Variants in ADCYAP1R1 observed in about 807,000 individuals in gnomAD.
ADCYAP1R1 encodes pituitary adenylate cyclase-activating polypeptide type I receptor.
ADCYAP1R1 carries 44 observed loss-of-function variants against 67.6 expected under a neutral mutation model. That is an observed-to-expected ratio of 0.65 (90% CI 0.51 to 0.84). The LOEUF (loss-of-function observed/expected upper bound fraction) is 0.84, where lower values mean the gene tolerates loss of function less well. ADCYAP1R1 is among the 40% of genes least tolerant of loss of function. The pLI is 0.00. For synonymous variants in ADCYAP1R1, 222 were observed against 219.6 expected, an observed-to-expected ratio of 1.01 and a Z score of -0.10; for missense variants, 477 against 587.9, an observed-to-expected ratio of 0.81 and a Z score of 1.95.
chr7:31,100,068 A>T (rs2128638958), intron 13 of ADCYAP1R1: 2 of 1,490,484 alleles, frequency 1.3e-6, no homozygotes, highest in Non-Finnish European at 1.8e-6. Context: ...CTGTAAACTG[A>T]GTTTCTTCAC....
intron 5 of ADCYAP1R1, 122 bp from the exon 6 acceptor site, chr7:31,081,591 C>A: frequency 2.9e-6 from 2 of 700,294 alleles, no homozygotes; most frequent in Non-Finnish European, 4.8e-6. Flanking sequence ...TGCCTCTTGG[C>A]CAGGACTCCA....
chr7:31,071,274 C>T (rs367850501), intron 3 of ADCYAP1R1, among the ~76,000 whole-genome samples: 1 of 152,188 alleles, frequency 6.6e-6, no homozygotes, highest in Non-Finnish European at 1.5e-5. Flanking sequence ...GAGTGGATCC[C>T]TTTCCTCCTG....
At chr7:31,084,505 G>T (rs1562644454) in intron 7 of ADCYAP1R1, among the ~76,000 whole-genome samples, 1 of 152,228 alleles carries the variant, frequency 6.6e-6, no homozygotes, top group Admixed American at 6.5e-5. Flanking sequence ...CAGCGCTCTT[G>T]CCTTCAACAG....
chr7:31,097,601 G>C (rs1194499515), intron 13 of ADCYAP1R1, among the ~76,000 whole-genome samples: 3 of 152,052 alleles, frequency 2.0e-5, no homozygotes, highest in African/African-American at 7.2e-5. Context: ...CCAGGTGCAG[G>C]GTTTCCCAGT....
chr7:31,084,612 G>A (rs2128630031), intron 7 of ADCYAP1R1, 125 bp from the exon 8 acceptor site: 1 of 792,058 alleles, frequency 1.3e-6, no homozygotes, highest in South Asian at 1.4e-5. Context: ...CAGCAGAAGA[G>A]AGGAAGGAGG....
chr7:31,063,091 G>A, intron 1 of ADCYAP1R1, 103 bp from the exon 2 acceptor site: 1 of 668,282 alleles, frequency 1.5e-6, no homozygotes, highest in South Asian at 1.9e-5. Context: ...CTTGGAGGCT[G>A]AGAGCCGTGC....
At chr7:31,094,537 A>T (rs1796106871) in intron 13 of ADCYAP1R1, among the ~76,000 whole-genome samples, 1 of 152,038 alleles carries the variant, frequency 6.6e-6, no homozygotes, top group Non-Finnish European at 1.5e-5. Context: ...CCTTCCTGGT[A>T]GGATTTGTTC....
intron 13 of ADCYAP1R1, chr7:31,095,758 G>A (rs1408394131): frequency 5.6e-6 from 4 of 717,772 alleles, no homozygotes; most frequent in East Asian, 5.4e-5. Flanking sequence ...CCTGTAGGTT[G>A]GTTCCAGCTG....
At chr7:31,077,736 T>C (rs890348976) in intron 3 of ADCYAP1R1, among the ~76,000 whole-genome samples, 4 of 149,886 alleles carry the variant, frequency 2.7e-5, no homozygotes, top group South Asian at 2.1e-4. Flanking sequence ...GGTGTATGTG[T>C]GATGTATGTT....
intron 1 of ADCYAP1R1, among the ~76,000 whole-genome samples, chr7:31,061,321 C>T (rs1323501570): frequency 6.6e-6 from 1 of 152,164 alleles, no homozygotes; most frequent in Non-Finnish European, 1.5e-5. Flanking sequence ...AGGGTTGTCT[C>T]TTTGCAGGCA....
rs149401692 is a variant in ADCYAP1R1 at position 31,092,824 on chromosome 7, G to A, written c.1046+89G>A. The A allele has an allele frequency of 1.9e-3, 1,696 of 888,002 alleles. 11 individuals carry two copies. The highest frequency in any genetic ancestry group is 0.014 in the South Asian group (933 of 66,812). The allele number at this position is 888,002 out of a possible 1,614,324, so 55.0% of individuals were successfully genotyped here. On this transcript the variant is annotated intron_variant, in intron 13 of 15. Coordinates refer to ENST00000304166, the MANE Select transcript of ADCYAP1R1 (RefSeq NM_001118.5). ...CACAGCAGAAGGCGGCCTGGGCTTT[G>A]CTGATAGGGTGACCTAGCATCAGCA...
At chr7:31,092,838 C>T in intron 13 of ADCYAP1R1, 103 bp downstream of exon 13, 1 of 764,642 alleles carries the variant, frequency 1.3e-6, no homozygotes, top group African/African-American at 1.8e-5. Context: ...ATAGGGTGAC[C>T]TAGCATCAGC....
chr7:31,084,164 T>C lies in ADCYAP1R1; in HGVS notation c.352T>C (p.Cys118Arg), dbSNP rs1296082568. The change falls in exon 7 of 16, where the codon TGC becomes CGC. Residue 118 changes from cysteine (C) to arginine (R), a missense_variant. Cys to Arg is a radical substitution (Grantham distance 180). Coordinates refer to ENST00000304166, the MANE Select transcript of ADCYAP1R1 (RefSeq NM_001118.5). Reference sequence around the variant, plus strand: ...AGACATGGGAGTGGTGAGCCGGAACTGCACGGAGGATGGCTGGTCGGAACC... The same window carrying C: ...AGACATGGGAGTGGTGAGCCGGAACCGCACGGAGGATGGCTGGTCGGAACC... Reference protein sequence around the residue: ...LSDMGVVSRNCTEDGWSEPFP... With the variant: ...LSDMGVVSRNRTEDGWSEPFP... 6.2e-7 allele frequency: 1 copy of C among 1,614,206 alleles called. No homozygotes were observed. Among genetic ancestry groups the C allele is most frequent in the East Asian group, 2.2e-5 (1 of 44,884 alleles).
rs770777314 is a variant in ADCYAP1R1, at chr7:31,084,731, C to T, written c.439-6C>T. On this transcript the variant is annotated splice_polypyrimidine_tract_variant and splice_region_variant and intron_variant, in intron 7 of 15. Transcript: ENST00000304166. The stretch of plus-strand genomic sequence containing the variant: ...GAAGTCCTGCATGTCCTGTGCTCTG[C>T]TTCAGGATTATTACTACCTGTCAGT... The T allele has an allele frequency of 2.5e-6, 4 of 1,611,124 alleles. No individual in the cohort carries two copies. The East Asian group carries it at 6.7e-5, about 27-fold the overall frequency.
chr7:31,093,643 T>A (rs755246015), intron 13 of ADCYAP1R1, among the ~76,000 whole-genome samples: 6 of 152,122 alleles, frequency 3.9e-5, no homozygotes, highest in Non-Finnish European at 8.8e-5. Flanking sequence ...CTGAGGGCAG[T>A]CCTTGGGGTC....
chr7:31,074,888 C>A (rs1031702050), intron 3 of ADCYAP1R1, among the ~76,000 whole-genome samples: 3 of 152,226 alleles, frequency 2.0e-5, no homozygotes, highest in Admixed American at 2.0e-4. Context: ...ATCTGGTTCC[C>A]AAACTCTGTC....
chr7:31,074,103 T>A lies in ADCYAP1R1; in HGVS notation c.158-3888T>A, dbSNP rs569823257. 2.0e-5 allele frequency among the ~76,000 whole-genome samples: 3 copies of A among 152,238 alleles called. 1 individual carries two copies. Among genetic ancestry groups the A allele is most frequent in the African/African-American group, 7.2e-5 (3 of 41,558 alleles). On this transcript the variant is annotated intron_variant, in intron 3 of 15. Transcript: ENST00000304166. The stretch of plus-strand genomic sequence containing the variant: ...TCCTGGGTGAATCTCTGTTCCAGAT[T>A]TGAGCTCTGGTCACTCAAAGCTGGG...
At chr7:31,053,520 AC>A (rs1794114945) in intron 1 of ADCYAP1R1, among the ~76,000 whole-genome samples, 2 of 152,066 alleles carry the variant, frequency 1.3e-5, no homozygotes, top group South Asian at 4.2e-4. Flanking sequence ...ATGCAACTAG[AC>A]CCTCAGGAGG....
intron 2 of ADCYAP1R1, among the ~76,000 whole-genome samples, chr7:31,063,933 C>G (rs74423614): frequency 0.029 from 4,402 of 152,288 alleles, 208 homozygotes; most frequent in African/African-American, 0.1. Context: ...CAAAAATGGC[C>G]CTTGGCAATC....
Sources: allele counts gnomAD v4.1 joint callset (sites outside exome capture counted in the v4.1 genomes callset), GRCh38; gene constraint gnomAD v4.1.1; transcripts MANE v1.5; gene names NCBI Gene and HGNC (gene_info 2026-07-23, HGNC 2026-07-21).